PDE6C: variants seen among roughly 807,000 people sequenced by gnomAD.
PDE6C encodes cone cGMP-specific 3',5'-cyclic phosphodiesterase subunit alpha'.
A neutral mutation model predicts 113.1 loss-of-function variants in PDE6C; 75 were observed. The ratio of observed to expected loss-of-function variants is 0.66; its 90% CI spans 0.55 to 0.80. The LOEUF (loss-of-function observed/expected upper bound fraction) is 0.80, where lower values mean the gene tolerates loss of function less well. Ranked by LOEUF, PDE6C falls within the 30% of genes least tolerant of loss-of-function variation. The pLI, the probability that PDE6C is intolerant of heterozygous loss-of-function variation, is 0.00. For missense variants in PDE6C, 912 were observed against 1,038.6 expected (o/e 0.88, Z 1.67); for synonymous variants, 375 against 363.7 (o/e 1.03, Z -0.35).
chr10:93,644,901 GTA>G (rs56271523), intron 14 of PDE6C, among the ~76,000 whole-genome samples: 1 of 145,404 alleles, frequency 6.9e-6, no homozygotes, highest in Non-Finnish European at 1.5e-5. Context: ...AGTATATATA[GTA>G]TATATACACT....
chr10:93,637,212 A>G (rs957225722), intron 11 of PDE6C, 149 bp downstream of exon 11: 1 of 641,212 alleles, frequency 1.6e-6, no homozygotes, highest in Non-Finnish European at 2.8e-6. Context: ...GAATTCTTCT[A>G]AAGATTGATC....
chr10:93,651,173 A>G (rs922020632), intron 15 of PDE6C, among the ~76,000 whole-genome samples: 4 of 152,178 alleles, frequency 2.6e-5, no homozygotes, highest in Non-Finnish European at 5.9e-5. Flanking sequence ...AGTGGAGCCA[A>G]CTATCTGCCT....
chr10:93,639,403 G>A (rs531919406), intron 11 of PDE6C, among the ~76,000 whole-genome samples: 14 of 152,202 alleles, frequency 9.2e-5, no homozygotes, highest in South Asian at 4.1e-4. Context: ...AATGCCATGT[G>A]TCTACTTGGC....
intron 11 of PDE6C, among the ~76,000 whole-genome samples, chr10:93,639,863 C>T (rs2058550450): frequency 6.6e-6 from 1 of 152,222 alleles, no homozygotes; most frequent in South Asian, 2.1e-4. Context: ...TCAGTTTCAT[C>T]ACCTGTAAAA....
chr10:93,623,559 C>G (rs1046350322), intron 4 of PDE6C, among the ~76,000 whole-genome samples: 1 of 152,154 alleles, frequency 6.6e-6, no homozygotes, highest in African/African-American at 2.4e-5. Context: ...CCTAGATCTT[C>G]TATGTCATCT....
chr10:93,655,655 A>AAAAAAAAGGTTT, intron 15 of PDE6C, 105 bp from the exon 16 acceptor site: 1 of 713,136 alleles, frequency 1.4e-6, no homozygotes, highest in Non-Finnish European at 2.5e-6. Flanking sequence ...AAAAACAAAC[A>AAAAAAAAGGTTT]AAAAAGTGTT....
At chr10:93,638,963 C>T (rs1374633897) in intron 11 of PDE6C, among the ~76,000 whole-genome samples, 2 of 152,196 alleles carry the variant, frequency 1.3e-5, no homozygotes, top group African/African-American at 4.8e-5. Flanking sequence ...TGGCTGTCCC[C>T]TGAAAAACAT....
intron 1 of PDE6C, among the ~76,000 whole-genome samples, chr10:93,617,680 A>T (rs2058426216): frequency 6.6e-6 from 1 of 152,182 alleles, no homozygotes; most frequent in Non-Finnish European, 1.5e-5. Context: ...AGGCTGAGGC[A>T]GGAGAATCAC....
chr10:93,631,898 A>C (rs1168372786), intron 8 of PDE6C, among the ~76,000 whole-genome samples: 1 of 152,246 alleles, frequency 6.6e-6, no homozygotes, highest in African/African-American at 2.4e-5. Context: ...ATTGCCACTG[A>C]GTGGTTTAAA....
At chr10:93,626,543 GT>G (rs1332935906) in intron 5 of PDE6C, 96 bp from the exon 6 acceptor site, 28 of 718,718 alleles carry the variant, frequency 3.9e-5, no homozygotes, top group Middle Eastern at 7.4e-4. Context: ...GGGAAATAAG[GT>G]TCTATTTGTA....
At chr10:93,625,852 G>T (rs368883224) in intron 5 of PDE6C, among the ~76,000 whole-genome samples, 1 of 152,274 alleles carries the variant, frequency 6.6e-6, no homozygotes, top group East Asian at 1.9e-4. Context: ...GAACCTCTCC[G>T]TTTCCTTTTC....
rs1379943341 is a variant in PDE6C, at chr10:93,621,972, C to T, written c.764C>T (p.Thr255Ile). The part of the protein sequence containing the change: ...WSANKVFEEL[T>I]DVERQFHKAL... ...GCCAATAAAGTATTTGAAGAACTCACAGATGTTGAGCGACAGTTTCACAAA... is the reference window on the plus strand; with the variant it reads ...GCCAATAAAGTATTTGAAGAACTCATAGATGTTGAGCGACAGTTTCACAAA... Residue 255 changes from threonine to isoleucine, a missense_variant, in exon 4 of 22, where the codon ACA becomes ATA. By Grantham distance (89) the Thr-to-Ile change is moderately conservative. Transcript: ENST00000371447. 6.2e-7 allele frequency: 1 copy of T among 1,613,972 alleles called. No individual in the cohort carries two copies. The highest frequency in any genetic ancestry group is 8.5e-7 in the Non-Finnish European group (1 of 1,179,918).
rs121918539 is a variant in PDE6C, at chr10:93,635,590, A to G, written c.1363A>G (p.Met455Val). 1 of 1,614,042 alleles carries G rather than the reference A, an allele frequency of 6.2e-7. No individual in the cohort carries two copies. The highest frequency in any genetic ancestry group is 1.1e-5 in the South Asian group (1 of 91,086). Residue 455 changes from methionine to valine, a missense_variant, in exon 10 of 22, where the codon ATG (methionine) becomes GTG (valine). By Grantham distance (21) the Met-to-Val change is conservative (BLOSUM62 1). Transcript: ENST00000371447. ...AAACAGAAAGGACATTGCTCAGGAAATGCTCATGAACCAAACCAAAGCCAC... is the reference window on the plus strand; with the variant it reads ...AAACAGAAAGGACATTGCTCAGGAAGTGCTCATGAACCAAACCAAAGCCAC... Reference protein sequence around the residue: ...LENRKDIAQEMLMNQTKATPE... With the variant: ...LENRKDIAQEVLMNQTKATPE...
In PDE6C at chr10:93,637,048, A is replaced by G. The variant is rs1233729510; in HGVS notation, c.1467A>G (p.Gln489=). ...TAATTGACGACTGTGAAGAAAAACA[A>G]CTTGTTGCAATTTTGGTAAGTGTTT... is the stretch of plus-strand genomic sequence containing the variant. ...VDVIDDCEEK[Q]LVAILKEDLP... The change falls in exon 11 of 22, where the codon CAA becomes CAG. Residue 489 remains glutamine, a synonymous_variant. Transcript: ENST00000371447. 1 of 1,595,572 alleles carries G rather than the reference A, an allele frequency of 6.3e-7. No individual in the cohort carries two copies. Among genetic ancestry groups the G allele is most frequent in the East Asian group, 2.2e-5 (1 of 44,738 alleles).
intron 8 of PDE6C, among the ~76,000 whole-genome samples, chr10:93,631,013 T>TG (rs2058499025): frequency 6.6e-6 from 1 of 152,210 alleles, no homozygotes; most frequent in African/African-American, 2.4e-5. Context: ...AAGCAGTCAT[T>TG]GTCTAAACAG....
intron 18 of PDE6C, among the ~76,000 whole-genome samples, chr10:93,660,020 A>C (rs1002790586): frequency 6.6e-6 from 1 of 152,116 alleles, no homozygotes; most frequent in Non-Finnish European, 1.5e-5. Flanking sequence ...TGGATGAAAA[A>C]ACCTTCCTTT....
In PDE6C at chr10:93,630,971, G is replaced by T. The variant is rs117258392; in HGVS notation, c.1119+1666G>T. On this transcript the variant is annotated intron_variant, in intron 8 of 21. Coordinates refer to ENST00000371447, the MANE Select transcript of PDE6C (RefSeq NM_006204.4). The stretch of plus-strand genomic sequence containing the variant: ...CAGAATAGGATGCATGTCAGCAAAA[G>T]GGCGACAATGATTTTCTAGAGTCTG... Among the ~76,000 whole-genome samples, 376 of 152,336 alleles carry T rather than the reference G, an allele frequency of 2.5e-3. 12 individuals are homozygous for T. The East Asian group carries it at 0.066, about 27-fold the overall frequency.
chr10:93,648,615 G>A (rs1009689982), intron 15 of PDE6C, among the ~76,000 whole-genome samples: 1 of 152,052 alleles, frequency 6.6e-6, no homozygotes, highest in South Asian at 2.1e-4. Context: ...GGCTTTGAAC[G>A]GCAATGTCCT....
intron 14 of PDE6C, among the ~76,000 whole-genome samples, chr10:93,644,911 A>G (rs1241449766): frequency 6.8e-6 from 1 of 147,932 alleles, no homozygotes; most frequent in African/African-American, 2.5e-5. Flanking sequence ...GTATATATAC[A>G]CTATATCGAT....
Sources: allele counts gnomAD v4.1 joint callset (sites outside exome capture counted in the v4.1 genomes callset), GRCh38; gene constraint gnomAD v4.1.1; transcripts MANE v1.5; gene names NCBI Gene and HGNC (gene_info 2026-07-23, HGNC 2026-07-21).